Variants in PPP2R3A observed in about 807,000 individuals in gnomAD.
The protein encoded by PPP2R3A is protein phosphatase 2 regulatory subunit B''alpha.
In PPP2R3A, 80 loss-of-function variants were observed where a neutral mutation model predicts 106.9. That is an observed-to-expected ratio of 0.75 (90% CI 0.62 to 0.90). The LOEUF (loss-of-function observed/expected upper bound fraction) is 0.90, where lower values mean the gene tolerates loss of function less well. Among genes scored for constraint, PPP2R3A ranks in the 40% least tolerant of loss-of-function variants. The probability of loss-of-function intolerance (pLI) is 0.00; values close to 1 mark genes in which losing one functional copy is unlikely to be tolerated. For missense variants in PPP2R3A, 1,386 were observed against 1,350.4 expected, an observed-to-expected ratio of 1.03 and a Z score of -0.41; for synonymous variants, 483 against 468.3, an observed-to-expected ratio of 1.03 and a Z score of -0.41.
chr3:136,106,389 C>T (rs1289729720), intron 13 of PPP2R3A, 67 bp downstream of exon 13: 3 of 1,330,056 alleles, frequency 2.3e-6, no homozygotes, highest in East Asian at 4.8e-5. Flanking sequence ...GTATTAAAAC[C>T]CCCTTACAAA....
At chr3:136,079,114 T>A (rs1253536653) in intron 7 of PPP2R3A, 1 of 444,112 alleles carries the variant, frequency 2.3e-6, no homozygotes, top group Non-Finnish European at 4.5e-6. Flanking sequence ...ACAACCTTAC[T>A]TACTCTTTAT....
At chr3:136,048,886 A>T (rs574226280) in intron 4 of PPP2R3A, among the ~76,000 whole-genome samples, 2 of 152,190 alleles carry the variant, frequency 1.3e-5, no homozygotes, top group African/African-American at 2.4e-5. Context: ...GGAGAAGTTC[A>T]TGACGACTCC....
chr3:136,127,528 G>A (rs529888667), intron 13 of PPP2R3A, among the ~76,000 whole-genome samples: 2 of 152,148 alleles, frequency 1.3e-5, no homozygotes, highest in Non-Finnish European at 2.9e-5. Context: ...AAACCAAATC[G>A]ACATCTGATT....
chr3:136,061,745 C>G (rs1286113664), intron 5 of PPP2R3A, among the ~76,000 whole-genome samples: 2 of 151,830 alleles, frequency 1.3e-5, no homozygotes, highest in Non-Finnish European at 2.9e-5. Context: ...ACAGTGAAAC[C>G]CTGTCTCTAC....
At chr3:136,072,520 A>T (rs1936469820) in intron 6 of PPP2R3A, among the ~76,000 whole-genome samples, 2 of 152,198 alleles carry the variant, frequency 1.3e-5, no homozygotes. Flanking sequence ...TGAACCCAGG[A>T]GGTGGAGGTT....
chr3:136,090,726 G>A (rs1937075357), intron 10 of PPP2R3A, 59 bp downstream of exon 10: 4 of 1,431,084 alleles, frequency 2.8e-6, no homozygotes, highest in Admixed American at 1.7e-5. Flanking sequence ...GCTTGAAAAA[G>A]TCATGGTGTA....
rs111954580 is a variant in PPP2R3A, at chr3:136,085,243, TAGTG to T, written c.2789-2636_2789-2633del. Among the ~76,000 whole-genome samples, 1,327 of 152,226 alleles carry T rather than the reference TAGTG, an allele frequency of 8.7e-3. 28 individuals are homozygous for T. The highest frequency in any genetic ancestry group is 0.029 in the African/African-American group (1,193 of 41,514). On this transcript the variant is annotated intron_variant, in intron 8 of 13. Transcript: ENST00000264977. ...GGTCTTTCCTGTGCTGCTCTCATGATAGTGAGTAAGTCTCATGAGAGCTCATGGT... is the reference window on the plus strand; with the variant it reads ...GGTCTTTCCTGTGCTGCTCTCATGATAGTAAGTCTCATGAGAGCTCATGGT...
At chr3:136,047,997 A>T (rs1439856840) in intron 4 of PPP2R3A, among the ~76,000 whole-genome samples, 1 of 152,166 alleles carries the variant, frequency 6.6e-6, no homozygotes, top group Non-Finnish European at 1.5e-5. Flanking sequence ...AGCTATTGGT[A>T]CTATGCTCAC....
intron 1 of PPP2R3A, among the ~76,000 whole-genome samples, chr3:135,990,568 C>T (rs562631345): frequency 7.6e-4 from 115 of 152,034 alleles, no homozygotes; most frequent in African/African-American, 2.6e-3. Flanking sequence ...AAAATAAATC[C>T]GTACTTAATA....
chr3:136,080,533 C>T (rs747997547), intron 7 of PPP2R3A, among the ~76,000 whole-genome samples: 5 of 152,168 alleles, frequency 3.3e-5, no homozygotes, highest in Non-Finnish European at 5.9e-5. Context: ...AAAATAATAG[C>T]GCTTTGCTTC....
In PPP2R3A at chr3:136,146,585, T is replaced by G. The variant is rs1939135500; in HGVS notation, c.*1419T>G. 1 of 152,082 alleles carries G rather than the reference T, an allele frequency of 6.6e-6. No homozygotes were observed. The highest frequency in any genetic ancestry group is 2.4e-5 in the African/African-American group (1 of 41,372). The allele number at this position is 152,082 out of a possible 1,614,324, so 9.4% of individuals were successfully genotyped here. ...TGAGAGTTAACAATCCTAGGAATCC[T>G]GCCTGTCACAAGCTCCCAGTTCCCT... On this transcript the variant is annotated 3_prime_UTR_variant, in exon 14 of 14. Coordinates refer to ENST00000264977, the MANE Select transcript of PPP2R3A (RefSeq NM_002718.5).
At chr3:136,106,163 A>C (rs938896185) in intron 12 of PPP2R3A, 53 bp from the exon 13 acceptor site, 2 of 1,464,252 alleles carry the variant, frequency 1.4e-6, no homozygotes, top group African/African-American at 1.4e-5. Flanking sequence ...TCTATCTCCA[A>C]TTCTTTGTCT....
intron 13 of PPP2R3A, among the ~76,000 whole-genome samples, chr3:136,125,604 T>G (rs1559934032): frequency 6.6e-6 from 1 of 152,182 alleles, no homozygotes; most frequent in Non-Finnish European, 1.5e-5. Flanking sequence ...CCTGGCACTT[T>G]GGGAGGCCAA....
intron 7 of PPP2R3A, among the ~76,000 whole-genome samples, chr3:136,078,978 A>G (rs1283218187): frequency 6.6e-6 from 1 of 152,246 alleles, no homozygotes; most frequent in African/African-American, 2.4e-5. Context: ...GGAGCCTTTT[A>G]CCGAAGTAAT....
intron 10 of PPP2R3A, among the ~76,000 whole-genome samples, chr3:136,099,066 C>G (rs1285395235): frequency 2.0e-5 from 3 of 152,186 alleles, no homozygotes; most frequent in Non-Finnish European, 2.9e-5. Context: ...TCATTCCTCA[C>G]TCAGCTAACA....
At position 136,111,493 on chromosome 3, in the gene PPP2R3A, G is replaced by A. The variant is rs80164179; in HGVS notation, c.3329+5171G>A. Among the ~76,000 whole-genome samples, 44 of 152,128 alleles carry A rather than the reference G, an allele frequency of 2.9e-4. 1 individual carries two copies. In the East Asian group the frequency reaches 7.3e-3, roughly 25 times the overall value. ...TCTGGTGGCAAGTTACCTAAACTCC[G>A]CTCAAAGTAGCAATAAGCCAAACTT... is the stretch of plus-strand genomic sequence containing the variant. On this transcript the variant is annotated intron_variant, in intron 13 of 13. Coordinates refer to ENST00000264977, the MANE Select transcript of PPP2R3A (RefSeq NM_002718.5).
intron 5 of PPP2R3A, among the ~76,000 whole-genome samples, chr3:136,052,736 T>C (rs1287984712): frequency 6.6e-6 from 1 of 152,222 alleles, no homozygotes; most frequent in Non-Finnish European, 1.5e-5. Flanking sequence ...ACATTTATAC[T>C]TCCCTTAAAT....
Position 136,105,420 on chromosome 3 carries a change from G to A in PPP2R3A, c.3223-796G>A, listed in dbSNP as rs575796855. 8.5e-5 allele frequency among the ~76,000 whole-genome samples: 13 copies of A among 152,284 alleles called. No homozygotes were observed. In the East Asian group the frequency reaches 9.7e-4, roughly 11 times the overall value. On this transcript the variant is annotated intron_variant, in intron 12 of 13. Coordinates refer to ENST00000264977, the MANE Select transcript of PPP2R3A (RefSeq NM_002718.5). Reference sequence around the variant, plus strand: ...ACGGGAGGATCACTTGAGGCCAGGGGTTCAAGACCAGCCTGGGCAACATAG... The same window carrying A: ...ACGGGAGGATCACTTGAGGCCAGGGATTCAAGACCAGCCTGGGCAACATAG...
chr3:136,097,561 A>G (rs535156580), intron 10 of PPP2R3A, among the ~76,000 whole-genome samples: 1 of 152,312 alleles, frequency 6.6e-6, no homozygotes, highest in East Asian at 1.9e-4. Flanking sequence ...AGCTTTATTT[A>G]TTGTAAAGAG....
Sources: allele counts gnomAD v4.1 joint callset (sites outside exome capture counted in the v4.1 genomes callset), GRCh38; gene constraint gnomAD v4.1.1; transcripts MANE v1.5; gene names NCBI Gene and HGNC (gene_info 2026-07-23, HGNC 2026-07-21).